Variants in DCUN1D4 observed in about 807,000 individuals in gnomAD.
DCUN1D4 encodes the protein defective in cullin neddylation 1 domain containing 4.
Under a neutral mutation model 47.9 loss-of-function variants are expected in DCUN1D4, and 22 were observed. The observed-to-expected ratio is 0.46, with a 90% confidence interval of 0.33 to 0.66. The LOEUF is 0.66. DCUN1D4 is among the 30% of genes least tolerant of loss of function. DCUN1D4 has a pLI of 0.02. For missense variants in DCUN1D4, 301 were observed against 340.8 expected (o/e 0.88, Z 0.92); for synonymous variants, 121 against 112.2 (o/e 1.08, Z -0.50).
intron 6 of DCUN1D4, among the ~76,000 whole-genome samples, chr4:51,887,573 C>T (rs1729707426): frequency 6.6e-6 from 1 of 152,162 alleles, no homozygotes; most frequent in African/African-American, 2.4e-5. Context: ...ACATGCCCTG[C>T]CTCATTAACT....
chr4:51,911,326 T>C (rs1287802418), intron 9 of DCUN1D4, 152 bp downstream of exon 9: 2 of 701,548 alleles, frequency 2.9e-6, no homozygotes, highest in East Asian at 5.4e-5. Flanking sequence ...AGCAGCTACC[T>C]ATCTTCTTGG....
intron 3 of DCUN1D4, among the ~76,000 whole-genome samples, chr4:51,871,133 A>T (rs1317821670): frequency 3.5e-5 from 2 of 56,724 alleles, no homozygotes; most frequent in South Asian, 6.1e-4. Context: ...TGGAGAGATT[A>T]AAAAAAAAAA....
At chr4:51,837,654 CAAAAAAAAAAAAAAAA>C in the DCUN1D4 span, among the ~76,000 whole-genome samples, 5 of 46,180 alleles carry the variant, frequency 1.1e-4, no homozygotes, top group African/African-American at 2.5e-4. Flanking sequence ...GACTCCGTCT[CAAAAAAAAAAAAAAAA>C]AAAAAAAAAA....
At chr4:51,893,379 A>T (rs1279557745) in intron 7 of DCUN1D4, among the ~76,000 whole-genome samples, 1 of 151,630 alleles carries the variant, frequency 6.6e-6, no homozygotes, top group Non-Finnish European at 1.5e-5. Context: ...TCGTTTTTTC[A>T]TTATTTTTCT....
At chr4:51,860,962 C>T (rs1724956671) in intron 1 of DCUN1D4, among the ~76,000 whole-genome samples, 1 of 152,128 alleles carries the variant, frequency 6.6e-6, no homozygotes, top group Non-Finnish European at 1.5e-5. Flanking sequence ...AAGTTAGAGA[C>T]TATTTTAGAC....
intron 4 of DCUN1D4, chr4:51,874,950 GT>G (rs1727444833): frequency 6.6e-6 from 1 of 152,154 alleles, no homozygotes; most frequent in Admixed American, 6.5e-5. Context: ...CATCTTTATT[GT>G]TTCACCCTGA....
At chr4:51,850,754 G>A (rs902817786) in intron 1 of DCUN1D4, among the ~76,000 whole-genome samples, 4 of 152,142 alleles carry the variant, frequency 2.6e-5, no homozygotes, top group Non-Finnish European at 5.9e-5. Context: ...ACCCCTGTGT[G>A]CGGGCGTGGG....
At chr4:51,892,054 T>C (rs1730515131) in intron 7 of DCUN1D4, among the ~76,000 whole-genome samples, 2 of 152,172 alleles carry the variant, frequency 1.3e-5, no homozygotes, top group African/African-American at 4.8e-5. Context: ...ATATGTGTAT[T>C]TGGAGCGAGA....
intron 1 of DCUN1D4, chr4:51,848,204 G>T (rs1401667433): frequency 3.9e-6 from 5 of 1,288,546 alleles, no homozygotes; most frequent in East Asian, 1.1e-4. Context: ...CAAACATGCA[G>T]ATATCAGTTT....
rs2109778312 is a variant in DCUN1D4 at position 51,844,369 on chromosome 4, C to A, written c.25+1102C>A. ...GTAAGTGCCCTAAGGTTGGAACTGG[C>A]CGTGGTTCCCCCCGGACGGCGGGAA... On this transcript the variant is annotated intron_variant, in intron 1 of 10. Coordinates refer to ENST00000334635, the MANE Select transcript of DCUN1D4 (RefSeq NM_001040402.3). The A allele has an allele frequency of 4.1e-6, 4 of 984,782 alleles. No individual in the cohort carries two copies. The South Asian group carries it at 1.4e-4, about 35-fold the overall frequency. 61.0% of individuals were successfully genotyped at this position (984,782 alleles called of 1,614,324 possible).
At chr4:51,885,317 TAAG>T (rs918032782) in intron 5 of DCUN1D4, among the ~76,000 whole-genome samples, 3 of 152,018 alleles carry the variant, frequency 2.0e-5, no homozygotes, top group Non-Finnish European at 4.4e-5. Flanking sequence ...GAGGCACAAT[TAAG>T]AAATAATTAG....
At chr4:51,903,596 T>G (rs1031336674) in intron 8 of DCUN1D4, among the ~76,000 whole-genome samples, 3 of 152,196 alleles carry the variant, frequency 2.0e-5, no homozygotes, top group Admixed American at 6.5e-5. Context: ...CTGTTCTGTC[T>G]CTGCTCTTCT....
In DCUN1D4 at chr4:51,863,110, G is replaced by A. The variant is rs143187772; in HGVS notation, c.26-327G>A. ...ATTGTACCAGTAATTCTAGGGAAGA[G>A]AGGGGAAAGTGAACATTTCATTTGA... is the stretch of plus-strand genomic sequence containing the variant. On this transcript the variant is annotated intron_variant, in intron 1 of 10. Transcript: ENST00000334635. Among the ~76,000 whole-genome samples, 660 of 152,322 alleles carry A rather than the reference G, an allele frequency of 4.3e-3. 5 individuals carry two copies. Among genetic ancestry groups the A allele is most frequent in the African/African-American group, 0.015 (634 of 41,562 alleles).
At chr4:51,835,384 C>A in the DCUN1D4 span, among the ~76,000 whole-genome samples, 2 of 152,334 alleles carry the variant, frequency 1.3e-5, no homozygotes, top group South Asian at 4.1e-4. Context: ...GTACTTGAGA[C>A]AGTACCTGCT....
chr4:51,877,534 T>A (rs1727890089), intron 4 of DCUN1D4: 1 of 327,984 alleles, frequency 3.0e-6, no homozygotes. Context: ...TATTTGTTAA[T>A]CAGAGAAAAA....
In DCUN1D4 at chr4:51,909,264, T is replaced by C. The variant is rs951404640; in HGVS notation, c.616-1806T>C. 15 of 243,066 alleles carry C rather than the reference T, an allele frequency of 6.2e-5. No homozygotes were observed. The East Asian group carries it at 1.6e-3, about 26-fold the overall frequency. The allele number at this position is 243,066 out of a possible 1,614,324, so 15.1% of individuals were successfully genotyped here. A position where few individuals can be genotyped will look rare whatever the true frequency, so the allele number is the denominator to read the frequency against. On this transcript the variant is annotated intron_variant, in intron 8 of 10. Transcript: ENST00000334635. ...TGGGGTTTAGTGAATGATTACAAAC[T>C]CTGCAAAGGGAAAACTCTTCCAGAG...
rs1282602885 is a variant in DCUN1D4, at chr4:51,885,568, CAG to C, written c.344-999_344-998del. Among the ~76,000 whole-genome samples the C allele has an allele frequency of 3.3e-5, 5 of 152,012 alleles. No individual in the cohort carries two copies. In the East Asian group the frequency reaches 9.7e-4, roughly 29 times the overall value. ...GATGAGTGTAGTTACGGCAGTTAAA[CAG>C]GAGGTGGAGCAGCTAGTGATAAAGA... On this transcript the variant is annotated intron_variant, in intron 5 of 10. Transcript: ENST00000334635.
chr4:51,869,122 T>TAAAAA (rs1195131997), intron 3 of DCUN1D4, among the ~76,000 whole-genome samples: 1 of 21,942 alleles, frequency 4.6e-5, no homozygotes, highest in Non-Finnish European at 6.4e-5. Flanking sequence ...AGACTCCATC[T>TAAAAA]CAAAAAAAAA....
At chr4:51,867,332 C>T (rs1039454072) in intron 3 of DCUN1D4, among the ~76,000 whole-genome samples, 1 of 152,230 alleles carries the variant, frequency 6.6e-6, no homozygotes, top group Non-Finnish European at 1.5e-5. Flanking sequence ...CTTCTCTCTT[C>T]ACCGCCCACA....
Sources: allele counts gnomAD v4.1 joint callset (sites outside exome capture counted in the v4.1 genomes callset), GRCh38; gene constraint gnomAD v4.1.1; transcripts MANE v1.5; gene names NCBI Gene and HGNC (gene_info 2026-07-23, HGNC 2026-07-21).